The following LRP1B variants were observed in gnomAD, a reference collection of about 807,000 sequenced individuals.
The protein encoded by LRP1B is low-density lipoprotein receptor-related protein 1B.
In LRP1B, 217 loss-of-function variants were observed where a neutral mutation model predicts 556.6. The observed-to-expected ratio is 0.39, with a 90% CI of 0.35 to 0.44. LRP1B has a LOEUF of 0.44. LRP1B is among the 20% of genes least tolerant of loss of function. The pLI, the probability that LRP1B is intolerant of heterozygous loss-of-function variation, is 1.00. For synonymous variants in LRP1B, 2,047 were observed against 1,865.8 expected, an observed-to-expected ratio of 1.10 and a Z score of -2.50; for missense variants, 5,053 against 5,620.8, an observed-to-expected ratio of 0.90 and a Z score of 3.23.
chr2:140,514,181 A>G (rs943202016), intron 51 of LRP1B, among the ~76,000 whole-genome samples: 3 of 151,982 alleles, frequency 2.0e-5, no homozygotes, highest in African/African-American at 7.2e-5. Flanking sequence ...TAAAATAGCC[A>G]CTTTCCTTTA....
Position 141,047,956 on chromosome 2 carries a change from T to C in LRP1B, c.1789+1030A>G, listed in dbSNP as rs186407604. 1.6e-3 allele frequency among the ~76,000 whole-genome samples: 240 copies of C among 152,244 alleles called. 1 individual carries two copies. Among genetic ancestry groups the C allele is most frequent in the African/African-American group, 5.7e-3 (238 of 41,562 alleles). ...TTGCTTCCTGTGAATATCCATTACA[T>C]AGGCATTCTCTATTAATCATATATT... On this transcript the variant is annotated intron_variant, in intron 11 of 90. Coordinates refer to ENST00000389484, the MANE Select transcript of LRP1B (RefSeq NM_018557.3).
At chr2:140,881,192 G>A (rs554264832) in intron 25 of LRP1B, among the ~76,000 whole-genome samples, 3 of 151,976 alleles carry the variant, frequency 2.0e-5, no homozygotes, top group African/African-American at 7.2e-5. Flanking sequence ...ATAGTAAGCT[G>A]AGTTTAAATA....
chr2:141,023,564 A>T (rs1479755687), intron 11 of LRP1B, among the ~76,000 whole-genome samples: 1 of 152,002 alleles, frequency 6.6e-6, no homozygotes, highest in Non-Finnish European at 1.5e-5. Flanking sequence ...TGAAAACTTC[A>T]TTACAGGTCT....
intron 3 of LRP1B, among the ~76,000 whole-genome samples, chr2:141,380,825 C>T (rs548439666): frequency 7.8e-4 from 119 of 152,204 alleles, no homozygotes; most frequent in Non-Finnish European, 1.4e-3. Context: ...GTTAATGGGA[C>T]TTGTCATACT....
intron 3 of LRP1B, among the ~76,000 whole-genome samples, chr2:141,406,547 CATCTATCT>C (rs71982875): frequency 0.2 from 29,975 of 149,176 alleles, 3,384 homozygotes; most frequent in East Asian, 0.51. Context: ...ATCTATCTAT[CATCTATCT>C]ATCTATCTAT....
At chr2:140,691,761 T>C (rs918495785) in intron 41 of LRP1B, among the ~76,000 whole-genome samples, 3 of 152,152 alleles carry the variant, frequency 2.0e-5, no homozygotes, top group Admixed American at 2.0e-4. Flanking sequence ...ATGTATGAGA[T>C]TTGACCAATT....
At chr2:141,490,345 A>C (rs1371529393) in intron 2 of LRP1B, among the ~76,000 whole-genome samples, 1 of 148,876 alleles carries the variant, frequency 6.7e-6, no homozygotes, top group African/African-American at 2.5e-5. Context: ...TCACGTCAGA[A>C]AATATTGTCA....
intron 11 of LRP1B, among the ~76,000 whole-genome samples, chr2:141,029,223 C>T (rs969788068): frequency 2.0e-5 from 3 of 152,096 alleles, no homozygotes; most frequent in Admixed American, 6.6e-5. Flanking sequence ...CCTTTTCCCC[C>T]TGTGAACTTA....
chr2:142,063,179 G>GAAATT (rs2104896382), intron 1 of LRP1B, among the ~76,000 whole-genome samples: 1 of 151,292 alleles, frequency 6.6e-6, no homozygotes, highest in East Asian at 1.9e-4. Context: ...AACAGATCAT[G>GAAATT]AAATTAAATG....
chr2:140,476,711 A>C (rs1687989767), intron 59 of LRP1B, among the ~76,000 whole-genome samples: 1 of 152,000 alleles, frequency 6.6e-6, no homozygotes, highest in Admixed American at 6.6e-5. Context: ...AGTAATAATG[A>C]AGTATGGTGC....
intron 35 of LRP1B, among the ~76,000 whole-genome samples, chr2:140,745,255 T>G (rs761653180): frequency 1.2e-4 from 19 of 152,148 alleles, no homozygotes; most frequent in South Asian, 4.1e-4. Context: ...GTAGAGATTT[T>G]TCAGTAAGTT....
At position 140,541,093 on chromosome 2, in the gene LRP1B, G is replaced by A; in HGVS notation, c.7393C>T (p.Leu2465Phe). ...CCATTCAATAATGCACATGGAGAAA[G>A]TTCACCTACAATAAAGAGGGTGTAT... ...AVANDTNSCE[L>F]SPCALLNGGC... The change falls in exon 45 of 91, where the codon CTT (leucine) becomes TTT (phenylalanine). Residue 2465 changes from leucine to phenylalanine, a missense_variant. This residue lies in a region of LRP1B where 3,619 missense variants were observed against 3,931.9 expected (regional missense o/e 0.92). Coordinates refer to ENST00000389484, the MANE Select transcript of LRP1B (RefSeq NM_018557.3). The A allele has an allele frequency of 1.2e-6, 2 of 1,607,906 alleles. No individual in the cohort carries two copies. Among genetic ancestry groups the A allele is most frequent in the African/African-American group, 2.7e-5 (2 of 74,774 alleles).
At chr2:141,184,381 T>C (rs1365273452) in intron 7 of LRP1B, among the ~76,000 whole-genome samples, 1 of 151,870 alleles carries the variant, frequency 6.6e-6, no homozygotes, top group East Asian at 2.0e-4. Context: ...ATCAAAAAAA[T>C]CATCTGACCT....
intron 3 of LRP1B, among the ~76,000 whole-genome samples, chr2:141,447,832 C>G (rs1681254889): frequency 6.6e-6 from 1 of 152,298 alleles, no homozygotes; most frequent in South Asian, 2.1e-4. Context: ...CAGGGCTCTC[C>G]TGTATGAGGT....
At chr2:140,677,876 C>CA (rs56656451) in intron 41 of LRP1B, among the ~76,000 whole-genome samples, 18,806 of 74,874 alleles carry the variant, frequency 0.25, 1,950 homozygotes, top group East Asian at 0.53. Context: ...AACTATGTCT[C>CA]AAAAAAAAAA....
At chr2:141,540,182 T>A (rs1574059518) in intron 2 of LRP1B, among the ~76,000 whole-genome samples, 1 of 152,066 alleles carries the variant, frequency 6.6e-6, no homozygotes, top group African/African-American at 2.4e-5. Flanking sequence ...TTGAAAATCA[T>A]TAAGTAATAT....
chr2:141,296,127 T>C (rs1686175815), intron 3 of LRP1B, among the ~76,000 whole-genome samples: 14 of 152,146 alleles, frequency 9.2e-5, no homozygotes. Flanking sequence ...AGCCCATCTA[T>C]GGTCATAAAA....
intron 41 of LRP1B, among the ~76,000 whole-genome samples, chr2:140,637,176 C>T (rs771551844): frequency 2.6e-5 from 4 of 152,096 alleles, no homozygotes; most frequent in Non-Finnish European, 5.9e-5. Context: ...CAGGAAATCA[C>T]TTTTGGATCA....
chr2:141,790,171 C>T (rs1413933778), intron 2 of LRP1B, among the ~76,000 whole-genome samples: 1 of 151,874 alleles, frequency 6.6e-6, no homozygotes, highest in Non-Finnish European at 1.5e-5. Context: ...ATAAACTTTG[C>T]AATTTATCTT....
Sources: allele counts gnomAD v4.1 joint callset (sites outside exome capture counted in the v4.1 genomes callset), GRCh38; gene constraint gnomAD v4.1.1; regional missense constraint gnomAD v4.1.1; transcripts MANE v1.5; gene names NCBI Gene and HGNC (gene_info 2026-07-23, HGNC 2026-07-21).